Variants in SV2C observed in about 807,000 individuals in gnomAD.
SV2C encodes the protein synaptic vesicle glycoprotein 2C, also known as solute carrier family 22 member B3.
SV2C carries 49 observed loss-of-function variants against 79.7 expected under a neutral mutation model. The observed-to-expected ratio is 0.61, with a 90% confidence interval of 0.49 to 0.78. The LOEUF (loss-of-function observed/expected upper bound fraction) is 0.78, where lower values mean the gene tolerates loss of function less well. Ranked by LOEUF, SV2C falls within the 30% of genes least tolerant of loss-of-function variation. The pLI, the probability that SV2C is intolerant of heterozygous loss-of-function variation, is 0.00. For missense variants in SV2C, 833 were observed against 912.9 expected (o/e 0.91, Z 1.13); for synonymous variants, 334 against 333.2 (o/e 1.00, Z -0.03).
At chr5:76,125,430 G>A (rs2112171680) in intron 1 of SV2C, among the ~76,000 whole-genome samples, 1 of 152,160 alleles carries the variant, frequency 6.6e-6, no homozygotes, top group Admixed American at 6.5e-5. Flanking sequence ...GGATTTTAGT[G>A]TTCATCTTAA....
intron 2 of SV2C, among the ~76,000 whole-genome samples, chr5:76,174,759 G>A (rs768685066): frequency 2.6e-5 from 4 of 152,212 alleles, no homozygotes; most frequent in Non-Finnish European, 5.9e-5. Context: ...CACATTCTTT[G>A]TTACTAGCTA....
At chr5:76,146,802 A>AAAG (rs1378372511) in intron 2 of SV2C, among the ~76,000 whole-genome samples, 1 of 145,284 alleles carries the variant, frequency 6.9e-6, no homozygotes, top group Non-Finnish European at 1.5e-5. Context: ...TTTTTTAAAA[A>AAAG]AAAAAAAAAA....
At position 76,120,520 on chromosome 5, in the gene SV2C, C is replaced by CCCCCA. The variant is rs1168562129; in HGVS notation, c.-101-11123_-101-11119dup. 2.8e-3 allele frequency among the ~76,000 whole-genome samples: 290 copies of CCCCCA among 104,646 alleles called. 2 individuals carry two copies. The highest frequency in any genetic ancestry group is 4.0e-3 in the Admixed American group (36 of 9,038). 68.7% of individuals were successfully genotyped at this position (104,646 alleles called of 152,430 possible). The stretch of plus-strand genomic sequence containing the variant: ...ATCCCAGTGCTATCCCTCCCCCCTC[C>CCCCCA]CCCCACCCCACAACAGTCCCCAGTG... On this transcript the variant is annotated intron_variant, in intron 1 of 12. Transcript: ENST00000502798.
At chr5:76,196,555 G>T (rs559122555) in intron 3 of SV2C, among the ~76,000 whole-genome samples, 1 of 152,278 alleles carries the variant, frequency 6.6e-6, no homozygotes, top group Non-Finnish European at 1.5e-5. Context: ...AATGAATGAA[G>T]AACAGATGTT....
At chr5:76,162,877 G>A (rs1254606120) in intron 2 of SV2C, among the ~76,000 whole-genome samples, 1 of 152,200 alleles carries the variant, frequency 6.6e-6, no homozygotes, top group Non-Finnish European at 1.5e-5. Flanking sequence ...AAGTTTGCCT[G>A]ATGTCTTTAG....
intron 1 of SV2C, among the ~76,000 whole-genome samples, chr5:76,113,937 C>T (rs1748175004): frequency 6.6e-6 from 1 of 152,166 alleles, no homozygotes; most frequent in Non-Finnish European, 1.5e-5. Flanking sequence ...CACACACACA[C>T]ACATATATAC....
the SV2C span, among the ~76,000 whole-genome samples, chr5:76,026,129 A>G: frequency 6.6e-6 from 1 of 151,488 alleles, no homozygotes; most frequent in African/African-American, 2.4e-5. Context: ...GAGCATGGAA[A>G]AGGATTGAGA....
the SV2C span, among the ~76,000 whole-genome samples, chr5:75,906,755 A>G: frequency 6.6e-6 from 1 of 152,132 alleles, no homozygotes; most frequent in Non-Finnish European, 1.5e-5. Flanking sequence ...GATGCAGGCA[A>G]GTCCAGTTTA....
intron 2 of SV2C, among the ~76,000 whole-genome samples, chr5:76,176,681 C>G (rs1032698686): frequency 1.3e-5 from 2 of 152,174 alleles, no homozygotes; most frequent in African/African-American, 4.8e-5. Flanking sequence ...AGAGGGAAAA[C>G]TTTCTAACCC....
At position 76,154,752 on chromosome 5, in the gene SV2C, G is replaced by GTA. The variant is rs936376975; in HGVS notation, c.580+22424_580+22425dup. Among the ~76,000 whole-genome samples, 5 of 152,170 alleles carry GTA rather than the reference G, an allele frequency of 3.3e-5. No homozygotes were observed. In the East Asian group the frequency reaches 9.6e-4, roughly 29 times the overall value. ...CTGGAAATGGCCTGTAAACCAAAAA[G>GTA]TATCTAAGACAGGTCTTAATCAATT... On this transcript the variant is annotated intron_variant, in intron 2 of 12. Transcript: ENST00000502798.
intron 1 of SV2C, among the ~76,000 whole-genome samples, chr5:76,092,180 AT>A (rs1482226045): frequency 6.6e-6 from 1 of 152,240 alleles, no homozygotes; most frequent in Admixed American, 6.5e-5. Flanking sequence ...CTTTTAGCGT[AT>A]GGAAAGGACC....
At chr5:75,866,397 G>C in the SV2C span, among the ~76,000 whole-genome samples, 3 of 152,210 alleles carry the variant, frequency 2.0e-5, no homozygotes, top group African/African-American at 7.2e-5. Context: ...ATGTGGCAGA[G>C]CTATTACTTT....
intron 1 of SV2C, among the ~76,000 whole-genome samples, chr5:76,119,454 C>T (rs1748406525): frequency 6.6e-6 from 1 of 152,066 alleles, no homozygotes; most frequent in South Asian, 2.1e-4. Context: ...CAAGTTATGA[C>T]CAGGACATAA....
the SV2C span, among the ~76,000 whole-genome samples, chr5:75,940,385 T>C: frequency 7.3e-6 from 1 of 136,814 alleles, no homozygotes; most frequent in African/African-American, 3.0e-5. Flanking sequence ...AGACTCTGTC[T>C]CAAAAAAAAA....
At chr5:76,010,105 G>T in the SV2C span, among the ~76,000 whole-genome samples, 1 of 147,590 alleles carries the variant, frequency 6.8e-6, no homozygotes, top group African/African-American at 2.5e-5. Flanking sequence ...ACCTACAATA[G>T]CACCTGTTAC....
chr5:76,273,150 T>A (rs978435911), intron 4 of SV2C, among the ~76,000 whole-genome samples: 30 of 139,460 alleles, frequency 2.2e-4, no homozygotes, highest in African/African-American at 8.2e-4. Flanking sequence ...AAAAAAGATA[T>A]ATATATATAT....
intron 4 of SV2C, among the ~76,000 whole-genome samples, chr5:76,266,399 G>T (rs995598198): frequency 7.9e-5 from 12 of 152,020 alleles, no homozygotes; most frequent in African/African-American, 2.4e-4. Flanking sequence ...GTAGAGACAG[G>T]GTTTCACCAT....
At chr5:76,150,679 C>A (rs1456221591) in intron 2 of SV2C, among the ~76,000 whole-genome samples, 1 of 125,832 alleles carries the variant, frequency 7.9e-6, no homozygotes, top group African/African-American at 3.1e-5. Context: ...ACTCTGTTGC[C>A]CAGGCTGGAG....
chr5:76,214,819 A>G (rs1464970092), intron 4 of SV2C, among the ~76,000 whole-genome samples: 2 of 152,086 alleles, frequency 1.3e-5, no homozygotes, highest in Admixed American at 6.5e-5. Context: ...CTTTTCCAAT[A>G]CTTCATTATT....
Sources: gnomAD v4.1 joint callset for allele counts (sites outside exome capture counted in the v4.1 genomes callset) on GRCh38, gnomAD v4.1.1 for gene constraint, MANE v1.5 for transcripts, NCBI Gene and HGNC (gene_info 2026-07-23, HGNC 2026-07-21) for gene names.